The following EPHB1 variants were observed in gnomAD, a reference collection of about 807,000 sequenced individuals.
EPHB1 encodes EPH receptor B1, also known as ephrin type-B receptor 1.
In EPHB1, 30 loss-of-function variants were observed where a neutral mutation model predicts 94.4. The ratio of observed to expected loss-of-function variants is 0.32; its 90% CI spans 0.24 to 0.43. The LOEUF (loss-of-function observed/expected upper bound fraction) is 0.43, where lower values mean the gene tolerates loss of function less well. Ranked by LOEUF, EPHB1 falls within the 20% of genes least tolerant of loss-of-function variation. The pLI, the probability that EPHB1 is intolerant of heterozygous loss-of-function variation, is 1.00. For synonymous variants in EPHB1, 522 were observed against 489.1 expected, an observed-to-expected ratio of 1.07 and a Z score of -0.89; for missense variants, 1,055 against 1,308.3, an observed-to-expected ratio of 0.81 and a Z score of 2.99.
At chr3:135,164,846 G>A (rs1273579180) in intron 7 of EPHB1, among the ~76,000 whole-genome samples, 1 of 150,776 alleles carries the variant, frequency 6.6e-6, no homozygotes, top group Non-Finnish European at 1.5e-5. Flanking sequence ...TTGTCATTAG[G>A]GTTGCTAGAT....
intron 5 of EPHB1, among the ~76,000 whole-genome samples, chr3:135,140,650 C>T (rs993560089): frequency 2.0e-5 from 3 of 152,164 alleles, no homozygotes; most frequent in Non-Finnish European, 2.9e-5. Context: ...GCACTGCACC[C>T]CCAAACCATA....
At chr3:135,023,402 T>C (rs952803507) in intron 3 of EPHB1, among the ~76,000 whole-genome samples, 2 of 152,184 alleles carry the variant, frequency 1.3e-5, no homozygotes, top group Middle Eastern at 3.2e-3. Flanking sequence ...TTTAGCAGGA[T>C]CCTTGGCCTC....
chr3:135,053,056 A>ATATATATATATAT (rs1937239893), intron 3 of EPHB1, among the ~76,000 whole-genome samples: 1 of 70,066 alleles, frequency 1.4e-5, no homozygotes, highest in African/African-American at 6.7e-5. Flanking sequence ...TATATATATA[A>ATATATATATATAT]AGTTGGTGTG....
chr3:135,234,609 G>T (rs1312453874), intron 12 of EPHB1, among the ~76,000 whole-genome samples: 4 of 152,084 alleles, frequency 2.6e-5, no homozygotes, highest in Admixed American at 2.0e-4. Context: ...CCCAAGACAG[G>T]GTAATTTATA....
intron 5 of EPHB1, among the ~76,000 whole-genome samples, chr3:135,133,317 C>A (rs1391179807): frequency 6.6e-6 from 1 of 152,226 alleles, no homozygotes; most frequent in Non-Finnish European, 1.5e-5. Flanking sequence ...GGACCTAGTG[C>A]TCTTCATCCA....
At chr3:134,901,203 T>C (rs2038195779) in intron 1 of EPHB1, among the ~76,000 whole-genome samples, 1 of 152,234 alleles carries the variant, frequency 6.6e-6, no homozygotes, top group Non-Finnish European at 1.5e-5. Flanking sequence ...TCTTTAGTGT[T>C]ATCAAATACC....
In EPHB1 at chr3:135,220,023, C is replaced by A. The variant is rs934164007; in HGVS notation, c.2346+18334C>A. ...TTCAATTCAGCTCTCCAAGAGTACACAGGCAAGAGTTTTTTTCTAAAGACC... is the reference window on the plus strand; with the variant it reads ...TTCAATTCAGCTCTCCAAGAGTACAAAGGCAAGAGTTTTTTTCTAAAGACC... On this transcript the variant is annotated intron_variant, in intron 12 of 15. Transcript: ENST00000398015. Among the ~76,000 whole-genome samples the A allele has an allele frequency of 2.7e-5, 4 of 148,648 alleles. No individual in the cohort carries two copies. In the East Asian group the frequency reaches 7.7e-4, roughly 29 times the overall value.
chr3:134,858,430 T>A (rs1439294844), intron 1 of EPHB1, among the ~76,000 whole-genome samples: 1 of 152,132 alleles, frequency 6.6e-6, no homozygotes, highest in Non-Finnish European at 1.5e-5. Context: ...TCCAGGTAAT[T>A]ACTGCCGAAC....
At chr3:135,253,737 C>T (rs1393643893) in intron 15 of EPHB1, among the ~76,000 whole-genome samples, 3,019 of 149,516 alleles carry the variant, frequency 0.02, 100 homozygotes, top group African/African-American at 0.069. Context: ...TAGTTTTTTC[C>T]AATTCTGTGA....
intron 3 of EPHB1, among the ~76,000 whole-genome samples, chr3:135,034,900 G>A (rs1936598873): frequency 6.6e-6 from 1 of 152,232 alleles, no homozygotes; most frequent in Non-Finnish European, 1.5e-5. Context: ...AGGATGCACA[G>A]CCAGAGGAAG....
intron 12 of EPHB1, among the ~76,000 whole-genome samples, chr3:135,214,096 T>TTCC (rs1450509050): frequency 2.6e-5 from 4 of 152,178 alleles, no homozygotes; most frequent in Non-Finnish European, 5.9e-5. Flanking sequence ...AGCCCGCCAG[T>TTCC]TCCTCCTCCT....
At chr3:134,823,066 C>T (rs1457432374) in intron 1 of EPHB1, among the ~76,000 whole-genome samples, 1 of 152,254 alleles carries the variant, frequency 6.6e-6, no homozygotes, top group Non-Finnish European at 1.5e-5. Context: ...CCAGCCTACT[C>T]ATTCCCTGCA....
chr3:134,985,550 A>T (rs1934567074), intron 3 of EPHB1, among the ~76,000 whole-genome samples: 1 of 152,142 alleles, frequency 6.6e-6, no homozygotes, highest in African/African-American at 2.4e-5. Context: ...TTCACCAGAG[A>T]TTCAAAAGCA....
intron 1 of EPHB1, among the ~76,000 whole-genome samples, chr3:134,819,264 C>T (rs2036334355): frequency 6.6e-6 from 1 of 152,120 alleles, no homozygotes; most frequent in Non-Finnish European, 1.5e-5. Context: ...TGTGTGTCCT[C>T]CCTCTCCCTA....
intron 1 of EPHB1, among the ~76,000 whole-genome samples, chr3:134,863,024 G>A (rs1383871093): frequency 6.6e-6 from 1 of 152,206 alleles, no homozygotes; most frequent in Non-Finnish European, 1.5e-5. Flanking sequence ...AGAAGCTGGG[G>A]TGGATCCTGC....
chr3:135,192,363 A>C (rs370463937), intron 10 of EPHB1, among the ~76,000 whole-genome samples: 143 of 3,388 alleles, frequency 0.042, 3 homozygotes, highest in African/African-American at 0.15. Flanking sequence ...TCTAAGTACC[A>C]AGGTAAGGAA....
intron 1 of EPHB1, among the ~76,000 whole-genome samples, chr3:134,913,838 A>G (rs1202784409): frequency 6.6e-6 from 1 of 152,216 alleles, no homozygotes; most frequent in Non-Finnish European, 1.5e-5. Context: ...CGCCCAGTGC[A>G]GTTCCACGTC....
chr3:135,188,804 G>A (rs966992565), intron 10 of EPHB1, among the ~76,000 whole-genome samples: 12 of 152,214 alleles, frequency 7.9e-5, no homozygotes. Flanking sequence ...TCCTGGTGAG[G>A]ATTAGATATT....
chr3:134,826,909 G>A (rs1481778653), intron 1 of EPHB1, among the ~76,000 whole-genome samples: 1 of 152,148 alleles, frequency 6.6e-6, no homozygotes, highest in Non-Finnish European at 1.5e-5. Context: ...AACATCTGAC[G>A]CAACATCCAT....
Sources: gnomAD v4.1 joint callset for allele counts (sites outside exome capture counted in the v4.1 genomes callset) on GRCh38, gnomAD v4.1.1 for gene constraint, MANE v1.5 for transcripts, NCBI Gene and HGNC (gene_info 2026-07-23, HGNC 2026-07-21) for gene names.